GAS7: variants seen among roughly 807,000 people sequenced by gnomAD.
GAS7 encodes the protein growth arrest specific 7.
In GAS7, 28 loss-of-function variants were observed where a neutral mutation model predicts 71.1. The observed-to-expected ratio is 0.39, with a 90% CI of 0.29 to 0.54. The LOEUF (loss-of-function observed/expected upper bound fraction) is 0.54, where lower values mean the gene tolerates loss of function less well. Among genes scored for constraint, GAS7 ranks in the 20% least tolerant of loss-of-function variants. The pLI is 0.62. For missense variants in GAS7, 436 were observed against 627.8 expected (o/e 0.69, Z 3.27); for synonymous variants, 258 against 245.8 (o/e 1.05, Z -0.46).
chr17:9,978,465 T>C (rs543271570), intron 3 of GAS7, among the ~76,000 whole-genome samples: 1 of 150,790 alleles, frequency 6.6e-6, no homozygotes, highest in East Asian at 1.9e-4. Flanking sequence ...GTCTGAGCAA[T>C]ATGGCAAAAC....
At chr17:10,132,320 C>T (rs2074003509) in intron 1 of GAS7, among the ~76,000 whole-genome samples, 1 of 152,170 alleles carries the variant, frequency 6.6e-6, no homozygotes, top group African/African-American at 2.4e-5. Context: ...TGAAGAATGC[C>T]TCTTCCTTTT....
intron 2 of GAS7, among the ~76,000 whole-genome samples, chr17:10,004,263 C>T (rs1233606382): frequency 1.3e-5 from 2 of 152,164 alleles, no homozygotes; most frequent in Admixed American, 6.5e-5. Context: ...TAATTAGAGC[C>T]CAGCACAGGG....
chr17:10,112,051 G>T (rs2073818668), intron 1 of GAS7, among the ~76,000 whole-genome samples: 1 of 152,190 alleles, frequency 6.6e-6, no homozygotes, highest in South Asian at 2.1e-4. Context: ...TACCGTACTG[G>T]GCGTCACAAA....
At chr17:9,971,652 G>A (rs1440652671) in intron 3 of GAS7, among the ~76,000 whole-genome samples, 5 of 152,134 alleles carry the variant, frequency 3.3e-5, no homozygotes, top group African/African-American at 7.2e-5. Context: ...ACAAGCCTGC[G>A]TGATCTCAGG....
At chr17:9,988,351 G>T (rs758120106) in intron 2 of GAS7, among the ~76,000 whole-genome samples, 2 of 152,282 alleles carry the variant, frequency 1.3e-5, no homozygotes, top group Admixed American at 6.5e-5. Flanking sequence ...AGGCTATGCT[G>T]CCCTGTCCTC....
intron 1 of GAS7, among the ~76,000 whole-genome samples, chr17:10,109,992 T>A (rs143516410): frequency 6.8e-6 from 1 of 146,828 alleles, no homozygotes; most frequent in East Asian, 2.0e-4. Flanking sequence ...AGGTGGAGGT[T>A]GCAGTGAGCC....
At chr17:10,112,462 G>A (rs1177780919) in intron 1 of GAS7, among the ~76,000 whole-genome samples, 6 of 152,186 alleles carry the variant, frequency 3.9e-5, no homozygotes, top group Admixed American at 2.0e-4. Context: ...CTAGCCGGGC[G>A]CGGTGTCTCA....
At chr17:9,954,420 C>T (rs1331765277) in intron 5 of GAS7, among the ~76,000 whole-genome samples, 1 of 150,842 alleles carries the variant, frequency 6.6e-6, no homozygotes, top group East Asian at 2.0e-4. Flanking sequence ...AGAGGATGCA[C>T]TGGAGGGAGA....
At chr17:10,114,797 C>T (rs1003389679) in intron 1 of GAS7, among the ~76,000 whole-genome samples, 10 of 152,164 alleles carry the variant, frequency 6.6e-5, no homozygotes, top group Non-Finnish European at 1.3e-4. Context: ...GAACTTGTGC[C>T]TCTCACTTCC....
intron 5 of GAS7, among the ~76,000 whole-genome samples, chr17:9,950,682 C>G (rs1291745439): frequency 1.3e-5 from 2 of 151,880 alleles, no homozygotes; most frequent in Non-Finnish European, 2.9e-5. Context: ...ATAGTGAAAC[C>G]CTGTCTCTAC....
intron 5 of GAS7, among the ~76,000 whole-genome samples, chr17:9,948,407 G>A (rs919523444): frequency 7.2e-5 from 11 of 152,196 alleles, no homozygotes; most frequent in Admixed American, 1.3e-4. Context: ...CTGGGGGGCC[G>A]GGCACGGCAG....
rs536016189 is a variant in GAS7, at chr17:10,114,039, C to T, written c.183+84169G>A. 2.6e-5 allele frequency among the ~76,000 whole-genome samples: 4 copies of T among 152,156 alleles called. No homozygotes were observed. In the East Asian group the frequency reaches 5.8e-4, roughly 22 times the overall value. On this transcript the variant is annotated intron_variant, in intron 1 of 13. Coordinates refer to ENST00000432992, the MANE Select transcript of GAS7 (RefSeq NM_201433.2). ...AAGTGATCTTCCTGCCTCAGCCTCC[C>T]GAGTAGCTGGGGCTACAGGCATGCA...
intron 1 of GAS7, among the ~76,000 whole-genome samples, chr17:10,176,164 T>C (rs976366179): frequency 6.6e-6 from 1 of 152,220 alleles, no homozygotes; most frequent in Non-Finnish European, 1.5e-5. Context: ...CTGCAAATGA[T>C]TAAAGCTTGT....
chr17:10,059,505 T>C (rs578068319), intron 1 of GAS7, among the ~76,000 whole-genome samples: 3 of 152,222 alleles, frequency 2.0e-5, no homozygotes, highest in East Asian at 1.9e-4. Flanking sequence ...GGAGGACTGA[T>C]ACACGGGAAG....
intron 1 of GAS7, among the ~76,000 whole-genome samples, chr17:10,197,242 G>A (rs2074547157): frequency 1.3e-5 from 2 of 152,120 alleles, no homozygotes; most frequent in Admixed American, 1.3e-4. Flanking sequence ...AGTAGGTCAA[G>A]AGTTAAATAA....
intron 1 of GAS7, among the ~76,000 whole-genome samples, chr17:10,047,620 C>T (rs946472862): frequency 6.6e-6 from 1 of 152,056 alleles, no homozygotes; most frequent in Non-Finnish European, 1.5e-5. Context: ...TGTCAGGAAA[C>T]TGTCAGAATG....
intron 2 of GAS7, among the ~76,000 whole-genome samples, chr17:10,018,332 T>C (rs1469154419): frequency 6.6e-6 from 1 of 152,212 alleles, no homozygotes; most frequent in Non-Finnish European, 1.5e-5. Context: ...GAGTAGCTTA[T>C]TTGGGACAAT....
At position 10,026,190 on chromosome 17, in the gene GAS7, A is replaced by C. The variant is rs1450441258; in HGVS notation, c.184-6293T>G. On this transcript the variant is annotated intron_variant, in intron 1 of 13. Transcript: ENST00000432992. The surrounding 1 kb of genome is among the most constrained non-coding windows in gnomAD (Gnocchi z 4.5). ...TGAGCAAACGCTACTCGCTGGTGTTAATGGGTGGTCGTCAGACACTCGCTT... is the reference window on the plus strand; with the variant it reads ...TGAGCAAACGCTACTCGCTGGTGTTCATGGGTGGTCGTCAGACACTCGCTT... 3 of 985,328 alleles carry C rather than the reference A, an allele frequency of 3.0e-6. No individual in the cohort carries two copies. Among genetic ancestry groups the C allele is most frequent in the Non-Finnish European group, 3.6e-6 (3 of 829,906 alleles). 61.0% of individuals were successfully genotyped at this position (985,328 alleles called of 1,614,324 possible).
chr17:10,156,028 C>T (rs186111945), intron 1 of GAS7, among the ~76,000 whole-genome samples: 26 of 152,340 alleles, frequency 1.7e-4, no homozygotes, highest in Admixed American at 1.7e-3. Context: ...GACTTCCTTA[C>T]TTGTTCCATT....
Sources: allele counts gnomAD v4.1 joint callset (sites outside exome capture counted in the v4.1 genomes callset), GRCh38; gene constraint gnomAD v4.1.1; non-coding constraint Gnocchi (gnomAD v3.1); transcripts MANE v1.5; gene names NCBI Gene and HGNC (gene_info 2026-07-23, HGNC 2026-07-21).